FHIT: variants seen among roughly 807,000 people sequenced by gnomAD.
The protein encoded by FHIT is bis(5'-adenosyl)-triphosphatase.
A neutral mutation model predicts 17.9 loss-of-function variants in FHIT; 19 were observed. The observed-to-expected ratio is 1.06, with a 90% CI of 0.74 to 1.56. The LOEUF is 1.56. Among genes scored for constraint, FHIT ranks in the 40% most tolerant of loss-of-function variants. The pLI, the probability that FHIT is intolerant of heterozygous loss-of-function variation, is 0.00. For missense variants in FHIT, 248 were observed against 189.2 expected (o/e 1.31, Z -1.82); for synonymous variants, 81 against 69.7 (o/e 1.16, Z -0.81).
chr3:60,054,079 C>T (rs1346287488), intron 5 of FHIT, among the ~76,000 whole-genome samples: 5 of 152,160 alleles, frequency 3.3e-5, no homozygotes, highest in Admixed American at 6.5e-5. Flanking sequence ...TCATCAAAAA[C>T]ATTTCTAAAT....
intron 8 of FHIT, among the ~76,000 whole-genome samples, chr3:59,864,467 C>T (rs897490130): frequency 5.9e-5 from 9 of 152,032 alleles, no homozygotes; most frequent in Admixed American, 5.2e-4. Context: ...TTTTTCTTCC[C>T]AGTCTTGGGT....
chr3:60,011,230 T>C, intron 7 of FHIT, 141 bp downstream of exon 7: 1 of 696,068 alleles, frequency 1.4e-6, no homozygotes, highest in Non-Finnish European at 2.5e-6. Context: ...TGTCAGGATT[T>C]ACGGCTCTAA....
At chr3:60,847,791 C>A (rs1295032848) in intron 3 of FHIT, among the ~76,000 whole-genome samples, 4 of 152,094 alleles carry the variant, frequency 2.6e-5, no homozygotes, top group East Asian at 1.9e-4. Flanking sequence ...AATGAATTTT[C>A]CTATTAGTCG....
chr3:60,773,699 T>C (rs552937470), intron 4 of FHIT, among the ~76,000 whole-genome samples: 66 of 152,384 alleles, frequency 4.3e-4, no homozygotes, highest in African/African-American at 1.5e-3. Context: ...TCTGATTCCC[T>C]TTTGTTAAAC....
rs558727480 is a variant in FHIT at position 60,752,703 on chromosome 3, T to C, written c.-18+69216A>G. Among the ~76,000 whole-genome samples the C allele has an allele frequency of 6.6e-5, 10 of 152,334 alleles. No homozygotes were observed. The South Asian group carries it at 1.9e-3, about 28-fold the overall frequency. On this transcript the variant is annotated intron_variant, in intron 4 of 9. Transcript: ENST00000492590. ...CTGTTGGAGCGCTTGGTGTAAGGCA[T>C]GTGTGTCCTATAAAATATGTTTCTC...
chr3:60,443,727 A>T (rs1342572425), intron 5 of FHIT, among the ~76,000 whole-genome samples: 1 of 152,090 alleles, frequency 6.6e-6, no homozygotes. Flanking sequence ...TACTGGTCTA[A>T]AATTCTCTTT....
Position 60,927,201 on chromosome 3 carries a change from G to A in FHIT, c.-110-105190C>T, listed in dbSNP as rs538869488. On this transcript the variant is annotated intron_variant, in intron 3 of 9. Transcript: ENST00000492590. ...TTTTTGGTGGAGACGGGGTTTCGCC[G>A]TGTTGGCCGGGCTGGTCTCCAGCTC... Among the ~76,000 whole-genome samples, 161 of 152,258 alleles carry A rather than the reference G, an allele frequency of 1.1e-3. 3 individuals are homozygous for A. Among genetic ancestry groups the A allele is most frequent in the Admixed American group, 9.8e-4 (15 of 15,298 alleles).
At chr3:60,453,095 A>T (rs1484363423) in intron 5 of FHIT, among the ~76,000 whole-genome samples, 3 of 152,184 alleles carry the variant, frequency 2.0e-5, no homozygotes, top group African/African-American at 7.2e-5. Flanking sequence ...AGATTTTGAC[A>T]CTTTGCTCTT....
intron 8 of FHIT, among the ~76,000 whole-genome samples, chr3:59,803,892 G>C (rs1044606421): frequency 6.6e-6 from 1 of 152,092 alleles, no homozygotes; most frequent in Non-Finnish European, 1.5e-5. Flanking sequence ...GTAGATGCTC[G>C]GTAGCAATGA....
intron 5 of FHIT, among the ~76,000 whole-genome samples, chr3:60,390,376 C>T (rs1423743700): frequency 8.0e-6 from 1 of 125,374 alleles, no homozygotes; most frequent in Non-Finnish European, 1.5e-5. Context: ...GACAGTGGTC[C>T]CTTAAGATTG....
At chr3:60,644,283 T>C (rs1294466987) in intron 4 of FHIT, among the ~76,000 whole-genome samples, 2 of 152,168 alleles carry the variant, frequency 1.3e-5, no homozygotes, top group African/African-American at 4.8e-5. Context: ...CCCCACAATA[T>C]TTTTGTTTTC....
chr3:59,973,355 C>T (rs1164471477), intron 7 of FHIT, among the ~76,000 whole-genome samples: 1 of 152,084 alleles, frequency 6.6e-6, no homozygotes, highest in East Asian at 1.9e-4. Flanking sequence ...ATCTTTACTG[C>T]CTTATCTTGC....
In FHIT at chr3:60,195,553, A is replaced by ATATATATATATATATATATATTTT. The variant is rs148013554; in HGVS notation, c.104-181402_104-181401insAAAATATATATATATATATATATA. On this transcript the variant is annotated intron_variant, in intron 5 of 9. Coordinates refer to ENST00000492590, the MANE Select transcript of FHIT (RefSeq NM_002012.4). ...AGCGGATAAGGAAAATGTGATATAT[A>ATATATATATATATATATATATTTT]TATATATTTATATTTATATAATTAT... is the stretch of plus-strand genomic sequence containing the variant. Among the ~76,000 whole-genome samples the ATATATATATATATATATATATTTT allele has an allele frequency of 8.8e-5, 12 of 136,496 alleles. No homozygotes were observed. In the South Asian group the frequency reaches 2.8e-3, roughly 32 times the overall value. 89.5% of individuals were successfully genotyped at this position (136,496 alleles called of 152,430 possible).
At chr3:59,798,272 G>A (rs1057013908) in intron 8 of FHIT, among the ~76,000 whole-genome samples, 1 of 152,160 alleles carries the variant, frequency 6.6e-6, no homozygotes, top group Non-Finnish European at 1.5e-5. Flanking sequence ...TCCTTCCTCA[G>A]CTTAATCACT....
intron 2 of FHIT, among the ~76,000 whole-genome samples, chr3:61,159,391 T>C (rs781684596): frequency 3.3e-5 from 5 of 152,192 alleles, no homozygotes; most frequent in Non-Finnish European, 5.9e-5. Flanking sequence ...GTGCACAAGC[T>C]GCATTTCAAC....
intron 5 of FHIT, among the ~76,000 whole-genome samples, chr3:60,522,015 G>C (rs1260356089): frequency 6.6e-6 from 1 of 152,156 alleles, no homozygotes; most frequent in Non-Finnish European, 1.5e-5. Flanking sequence ...AGGAAAACCA[G>C]GGACCCTGTG....
intron 8 of FHIT, among the ~76,000 whole-genome samples, chr3:59,826,481 A>G (rs1559639888): frequency 6.6e-6 from 1 of 152,146 alleles, no homozygotes; most frequent in Non-Finnish European, 1.5e-5. Context: ...CAAGAACATA[A>G]GCTCCTCTCA....
intron 8 of FHIT, among the ~76,000 whole-genome samples, chr3:59,898,278 A>G (rs1472568214): frequency 1.3e-5 from 2 of 152,208 alleles, no homozygotes; most frequent in African/African-American, 4.8e-5. Flanking sequence ...TCCCATTCCC[A>G]AGATATCTCA....
intron 2 of FHIT, among the ~76,000 whole-genome samples, chr3:61,172,878 G>A (rs1372207131): frequency 6.6e-6 from 1 of 152,130 alleles, no homozygotes; most frequent in African/African-American, 2.4e-5. Context: ...AGGCTATTGT[G>A]GTTTTCCTTA....
Sources: allele counts gnomAD v4.1 joint callset (sites outside exome capture counted in the v4.1 genomes callset), GRCh38; gene constraint gnomAD v4.1.1; transcripts MANE v1.5; gene names NCBI Gene and HGNC (gene_info 2026-07-23, HGNC 2026-07-21).